SPHKAP: variants seen among roughly 807,000 people sequenced by gnomAD.
SPHKAP encodes SPHK1 interactor, AKAP domain containing.
SPHKAP carries 67 observed loss-of-function variants against 137.5 expected under a neutral mutation model. That is an observed-to-expected ratio of 0.49 (90% confidence interval 0.40 to 0.60). The LOEUF (loss-of-function observed/expected upper bound fraction) is 0.60, where lower values mean the gene tolerates loss of function less well. SPHKAP is among the 20% of genes least tolerant of loss of function. SPHKAP has a pLI of 0.00. For missense variants in SPHKAP, 2,097 were observed against 2,069.3 expected (o/e 1.01, Z -0.26); for synonymous variants, 813 against 785.3 (o/e 1.04, Z -0.59).
chr2:228,126,007 G>T (rs780059580), intron 2 of SPHKAP, among the ~76,000 whole-genome samples: 1 of 152,140 alleles, frequency 6.6e-6, no homozygotes, highest in Non-Finnish European at 1.5e-5. Context: ...TTGAACCCAA[G>T]AAGCAGAGGT....
intron 2 of SPHKAP, among the ~76,000 whole-genome samples, chr2:228,126,256 T>C (rs897192357): frequency 6.6e-6 from 1 of 152,204 alleles, no homozygotes; most frequent in Non-Finnish European, 1.5e-5. Flanking sequence ...TTTTGGGAAA[T>C]CATGTTGCAT....
At chr2:228,006,208 G>A (rs1694123084) in intron 7 of SPHKAP, among the ~76,000 whole-genome samples, 1 of 152,128 alleles carries the variant, frequency 6.6e-6, no homozygotes, top group Non-Finnish European at 1.5e-5. Flanking sequence ...TTTTCACACA[G>A]TCCCATATTT....
chr2:228,171,323 T>C (rs1354731529), intron 1 of SPHKAP, among the ~76,000 whole-genome samples: 1 of 152,180 alleles, frequency 6.6e-6, no homozygotes, highest in African/African-American at 2.4e-5. Flanking sequence ...GGTTTCTTCA[T>C]CTGTAAAGGA....
At chr2:228,092,657 T>G (rs143584501) in intron 3 of SPHKAP, among the ~76,000 whole-genome samples, 2 of 148,694 alleles carry the variant, frequency 1.3e-5, no homozygotes, top group African/African-American at 4.9e-5. Flanking sequence ...TGTATATACA[T>G]ATATATACAT....
chr2:228,100,130 G>A (rs1400869736), intron 3 of SPHKAP, among the ~76,000 whole-genome samples: 5 of 152,250 alleles, frequency 3.3e-5, no homozygotes, highest in East Asian at 3.9e-4. Context: ...GATTACAAGC[G>A]TGAGCCACTG....
At position 228,027,548 on chromosome 2, in the gene SPHKAP, GA is replaced by G; in HGVS notation, c.247-6del. The G allele has an allele frequency of 6.2e-7, 1 of 1,613,748 alleles. No homozygotes were observed. On this transcript the variant is annotated splice_region_variant and splice_polypyrimidine_tract_variant and intron_variant, in intron 3 of 11. Coordinates refer to ENST00000392056, the MANE Select transcript of SPHKAP (RefSeq NM_001142644.2). ...ATCAAGATTCACAAAGCAGACCTGG[GA>G]AAAGAGGGCAAAAATAGTACGTTAA...
chr2:228,093,540 C>A (rs568382145), intron 3 of SPHKAP, among the ~76,000 whole-genome samples: 1 of 152,076 alleles, frequency 6.6e-6, no homozygotes, highest in Non-Finnish European at 1.5e-5. Flanking sequence ...TGTATGATTC[C>A]ATTTTTATGA....
At chr2:228,121,742 A>C (rs1205105002) in intron 2 of SPHKAP, among the ~76,000 whole-genome samples, 3 of 152,170 alleles carry the variant, frequency 2.0e-5, no homozygotes, top group Non-Finnish European at 2.9e-5. Flanking sequence ...TGCCTAGTGA[A>C]TGTTAGCATG....
chr2:227,992,446 T>C (rs772699502), intron 9 of SPHKAP, among the ~76,000 whole-genome samples: 37 of 152,158 alleles, frequency 2.4e-4, no homozygotes, highest in Non-Finnish European at 4.0e-4. Flanking sequence ...GGTGATTGCT[T>C]GGCTTCCTCA....
intron 3 of SPHKAP, among the ~76,000 whole-genome samples, chr2:228,068,325 G>A (rs546216166): frequency 4.0e-5 from 6 of 151,718 alleles, no homozygotes; most frequent in African/African-American, 9.7e-5. Context: ...CAAACTCAAA[G>A]CAGTCTCTAT....
chr2:228,025,548 A>G lies in SPHKAP; in HGVS notation c.307-20T>C. 9 of 1,612,546 alleles carry G rather than the reference A, an allele frequency of 5.6e-6. No homozygotes were observed. The highest frequency in any genetic ancestry group is 7.6e-6 in the Non-Finnish European group (9 of 1,179,444). ...CAGTTTCTGTAAAGCAAGAATCTTT[A>G]TTAGTTTAGCTGATTTCTTTTCACC... On this transcript the variant is annotated intron_variant, in intron 4 of 11. Transcript: ENST00000392056.
chr2:228,010,471 G>A (rs1328638454), intron 7 of SPHKAP, among the ~76,000 whole-genome samples: 1 of 152,200 alleles, frequency 6.6e-6, no homozygotes. Flanking sequence ...GGCAGAGATT[G>A]CAGTGAGCCG....
chr2:228,030,536 C>CAA (rs1263087267), intron 3 of SPHKAP, among the ~76,000 whole-genome samples: 1 of 41,884 alleles, frequency 2.4e-5, no homozygotes, highest in African/African-American at 1.2e-4. Flanking sequence ...AAAAAAACAA[C>CAA]AAAAAACAAA....
intron 1 of SPHKAP, among the ~76,000 whole-genome samples, chr2:228,158,476 G>A (rs989162203): frequency 5.9e-5 from 9 of 152,028 alleles, no homozygotes; most frequent in African/African-American, 2.2e-4. Context: ...GTCCTTGGGA[G>A]TATGAAAGGT....
intron 3 of SPHKAP, among the ~76,000 whole-genome samples, chr2:228,085,872 A>G (rs4641927): frequency 0.28 from 42,458 of 151,956 alleles, 6,231 homozygotes; most frequent in Admixed American, 0.38. Flanking sequence ...TTATGCAAAA[A>G]TGAGATGTTC....
intron 3 of SPHKAP, chr2:228,028,029 T>A (rs1343679503): frequency 1.0e-6 from 1 of 984,152 alleles, no homozygotes; most frequent in Non-Finnish European, 1.2e-6. Context: ...CAAATAGCTC[T>A]CCAACACCCT....
intron 3 of SPHKAP, among the ~76,000 whole-genome samples, chr2:228,091,835 A>G (rs750872404): frequency 6.6e-6 from 1 of 152,132 alleles, no homozygotes; most frequent in Non-Finnish European, 1.5e-5. Flanking sequence ...GTGAACTAGT[A>G]CAACCACTAT....
intron 3 of SPHKAP, among the ~76,000 whole-genome samples, chr2:228,038,353 T>G (rs1335640045): frequency 6.6e-6 from 1 of 152,132 alleles, no homozygotes; most frequent in African/African-American, 2.4e-5. Context: ...AGTGGGAAGC[T>G]GAAATAAAGT....
chr2:228,149,366 A>G (rs879069538), intron 1 of SPHKAP, among the ~76,000 whole-genome samples: 1 of 152,252 alleles, frequency 6.6e-6, no homozygotes, highest in Non-Finnish European at 1.5e-5. Context: ...ATCAATGTAT[A>G]TAGAAGCAAG....
Sources: allele counts gnomAD v4.1 joint callset (sites outside exome capture counted in the v4.1 genomes callset), GRCh38; gene constraint gnomAD v4.1.1; transcripts MANE v1.5; gene names NCBI Gene and HGNC (gene_info 2026-07-23, HGNC 2026-07-21).